Variants in SFMBT1 observed in about 807,000 individuals in gnomAD.
The protein encoded by SFMBT1 is scm-like with four MBT domains protein 1.
In SFMBT1, 32 loss-of-function variants were observed where a neutral mutation model predicts 108.7. The ratio of observed to expected loss-of-function variants is 0.29; its 90% CI spans 0.22 to 0.40. SFMBT1 has a LOEUF of 0.40. Ranked by LOEUF, SFMBT1 falls within the 10% of genes least tolerant of loss-of-function variation. The pLI is 1.00. For missense variants in SFMBT1, 816 were observed against 1,059.6 expected, an observed-to-expected ratio of 0.77 and a Z score of 3.19; for synonymous variants, 348 against 369.5, an observed-to-expected ratio of 0.94 and a Z score of 0.67.
In SFMBT1 at chr3:52,926,067, A is replaced by G. The variant is rs755834750; in HGVS notation, c.1095T>C (p.Cys365=). Residue 365 remains cysteine, a synonymous_variant, in exon 10 of 21, where the codon TGT becomes TGC. Coordinates refer to ENST00000394752, the MANE Select transcript of SFMBT1 (RefSeq NM_016329.4). ...DFDWADYLKQ[C]GAEAAPQRCF... is the part of the protein sequence containing the mutation. ...ACCTCTGGGGAGCAGCTTCAGCACC[A>G]CACTGTTTGAGGTAGTCAGCCCAGT... 24 of 1,602,212 alleles carry G rather than the reference A, an allele frequency of 1.5e-5. No homozygotes were observed. The highest frequency in any genetic ancestry group is 3.5e-5 in the Admixed American group (2 of 57,358).
At position 52,943,731 on chromosome 3, in the gene SFMBT1, T is replaced by C. The variant is rs1022054099; in HGVS notation, c.124-138A>G. On this transcript the variant is annotated intron_variant, in intron 3 of 20. Coordinates refer to ENST00000394752, the MANE Select transcript of SFMBT1 (RefSeq NM_016329.4). ...CAAGGAAAGCCTGAGAAATTCCAAT[T>C]CTAACTTACAGAAGCAATCCAGATA... 17 of 1,137,812 alleles carry C rather than the reference T, an allele frequency of 1.5e-5. 1 individual carries two copies. Among genetic ancestry groups the C allele is most frequent in the Non-Finnish European group, 1.8e-5 (14 of 778,800 alleles). 70.5% of individuals were successfully genotyped at this position (1,137,812 alleles called of 1,614,324 possible).
chr3:52,943,029 G>A (rs1210748954), intron 4 of SFMBT1, among the ~76,000 whole-genome samples: 1 of 152,138 alleles, frequency 6.6e-6, no homozygotes, highest in Non-Finnish European at 1.5e-5. Context: ...AAAATCAACA[G>A]CACATCAGTC....
rs1702087064 is a variant in SFMBT1 at position 52,907,234 on chromosome 3, C to T, written c.2166G>A (p.Gln722=). Residue 722 remains glutamine (Q), a synonymous_variant, in exon 19 of 21, where the codon CAG becomes CAA. Transcript: ENST00000394752. ...TTTCTGATTCTTCCTGTAGCTCATC[C>T]TGCTGCTCGGATGTACTGCCTTCAC... ...SLSEGSTSEQ[Q]DELQEESEMS... 4 of 1,613,970 alleles carry T rather than the reference C, an allele frequency of 2.5e-6. No homozygotes were observed. The South Asian group carries it at 3.3e-5, about 13-fold the overall frequency.
At chr3:52,942,006 T>C (rs1262796279) in intron 4 of SFMBT1, among the ~76,000 whole-genome samples, 1 of 152,124 alleles carries the variant, frequency 6.6e-6, no homozygotes, top group East Asian at 1.9e-4. Context: ...TGGTACTAGC[T>C]ATTAGGGAGG....
intron 19 of SFMBT1, 119 bp downstream of exon 19, chr3:52,906,950 G>A: frequency 7.6e-7 from 1 of 1,311,604 alleles, no homozygotes; most frequent in African/African-American, 1.5e-5. Flanking sequence ...AAGAGACCCT[G>A]GAAATTCTAC....
chr3:52,963,190 T>C (rs1409499883), intron 2 of SFMBT1, among the ~76,000 whole-genome samples: 3 of 151,800 alleles, frequency 2.0e-5, no homozygotes, highest in African/African-American at 7.3e-5. Flanking sequence ...AGATGGGGTT[T>C]TACCATGTTG....
intron 19 of SFMBT1, among the ~76,000 whole-genome samples, chr3:52,906,763 A>G (rs1702074696): frequency 6.6e-6 from 1 of 152,246 alleles, no homozygotes; most frequent in African/African-American, 2.4e-5. Context: ...GAAACATATT[A>G]AAAAGGCAGT....
intron 1 of SFMBT1, among the ~76,000 whole-genome samples, chr3:52,978,163 G>A (rs1047420374): frequency 3.3e-5 from 5 of 152,188 alleles, no homozygotes; most frequent in East Asian, 1.9e-4. Context: ...TGGTTAAATC[G>A]GGTAGAGAGA....
chr3:53,020,241 T>A (rs1699261433), intron 1 of SFMBT1, among the ~76,000 whole-genome samples: 1 of 151,750 alleles, frequency 6.6e-6, no homozygotes, highest in African/African-American at 2.4e-5. Flanking sequence ...ACACAAAAAT[T>A]GGCCAGGCAT....
At chr3:52,975,997 C>G (rs1366027312) in intron 1 of SFMBT1, among the ~76,000 whole-genome samples, 2 of 151,968 alleles carry the variant, frequency 1.3e-5, no homozygotes, top group Non-Finnish European at 2.9e-5. Context: ...GGTGATAGAG[C>G]AAGACTGTGT....
intron 1 of SFMBT1, among the ~76,000 whole-genome samples, chr3:53,006,503 C>A (rs1698747052): frequency 6.6e-6 from 1 of 152,064 alleles, no homozygotes. Context: ...TTGGCACGTG[C>A]CTGTAACCCC....
intron 3 of SFMBT1, among the ~76,000 whole-genome samples, chr3:52,943,939 A>G (rs928136429): frequency 6.6e-6 from 1 of 152,230 alleles, no homozygotes; most frequent in African/African-American, 2.4e-5. Context: ...ACCAACAGGA[A>G]ATTTATGATG....
rs552104045 is a variant in SFMBT1 at position 52,961,792 on chromosome 3, A to G, written c.28+7309T>C. On this transcript the variant is annotated intron_variant, in intron 2 of 20. Coordinates refer to ENST00000394752, the MANE Select transcript of SFMBT1 (RefSeq NM_016329.4). ...GAAAGTACAGGCCAGCAGAAAGTCA[A>G]TTTACATTACTAAAACTTAACAAGG... Among the ~76,000 whole-genome samples the G allele has an allele frequency of 4.3e-4, 65 of 152,338 alleles. 1 individual carries two copies. The South Asian group carries it at 0.013, about 31-fold the overall frequency.
intron 1 of SFMBT1, among the ~76,000 whole-genome samples, chr3:52,998,665 T>C (rs1214636338): frequency 6.6e-6 from 1 of 150,524 alleles, no homozygotes; most frequent in Non-Finnish European, 1.5e-5. Flanking sequence ...GTTCTGCTCG[T>C]GCCACGCTGG....
At chr3:52,910,957 G>A (rs1284627897) in intron 17 of SFMBT1, 46 bp downstream of exon 17, 1 of 1,588,480 alleles carries the variant, frequency 6.3e-7, no homozygotes, top group Non-Finnish European at 8.6e-7. Flanking sequence ...AAGATGTAAG[G>A]TATGGTCAGC....
At chr3:52,921,902 C>T in intron 10 of SFMBT1, 71 bp from the exon 11 acceptor site, 2 of 1,518,828 alleles carry the variant, frequency 1.3e-6, no homozygotes, top group Admixed American at 1.7e-5. Context: ...AGCTAGAAAA[C>T]CTTTTTCAAG....
chr3:52,943,335 T>C lies in SFMBT1; in HGVS notation c.364+18A>G, dbSNP rs1703248355. On this transcript the variant is annotated intron_variant, in intron 4 of 20. Coordinates refer to ENST00000394752, the MANE Select transcript of SFMBT1 (RefSeq NM_016329.4). ...ACAGTAAAATCACGTCACGTCTTGA[T>C]AGGAAGTATTTCATTACCTTCTGGG... 3 of 1,613,866 alleles carry C rather than the reference T, an allele frequency of 1.9e-6. No homozygotes were observed. Among genetic ancestry groups the C allele is most frequent in the Non-Finnish European group, 8.5e-7 (1 of 1,179,910 alleles).
At chr3:52,958,199 CAT>C (rs573202071) in intron 2 of SFMBT1, among the ~76,000 whole-genome samples, 129 of 152,198 alleles carry the variant, frequency 8.5e-4, no homozygotes, top group African/African-American at 3.0e-3. Flanking sequence ...GGGCAACAAA[CAT>C]AAAAAAAAGC....
intron 13 of SFMBT1, among the ~76,000 whole-genome samples, chr3:52,917,538 A>G (rs1251839617): frequency 6.6e-6 from 1 of 152,168 alleles, no homozygotes; most frequent in Non-Finnish European, 1.5e-5. Context: ...AGAATGTAAG[A>G]AAATAAATTT....
Sources: allele counts gnomAD v4.1 joint callset (sites outside exome capture counted in the v4.1 genomes callset), GRCh38; gene constraint gnomAD v4.1.1; transcripts MANE v1.5; gene names NCBI Gene and HGNC (gene_info 2026-07-23, HGNC 2026-07-21).